RHOU: variants seen among roughly 807,000 people sequenced by gnomAD.
RHOU encodes ras homolog family member U.
RHOU carries 8 observed loss-of-function variants against 12.6 expected under a neutral mutation model. The observed-to-expected ratio is 0.64, with a 90% CI of 0.37 to 1.15. The LOEUF (loss-of-function observed/expected upper bound fraction) is 1.15. Ranked by LOEUF, RHOU falls within the 50% of genes most tolerant of loss-of-function variation. RHOU has a pLI of 0.01. For synonymous variants in RHOU, 161 were observed against 147.4 expected, an observed-to-expected ratio of 1.09 and a Z score of -0.67; for missense variants, 258 against 347.0, an observed-to-expected ratio of 0.74 and a Z score of 2.04.
At chr1:228,666,786 A>G in the RHOU span, among the ~76,000 whole-genome samples, 1 of 152,186 alleles carries the variant, frequency 6.6e-6, no homozygotes, top group Non-Finnish European at 1.5e-5. Flanking sequence ...GTGCTTTTGG[A>G]TAAATATCCA....
At chr1:228,705,463 G>A in the RHOU span, among the ~76,000 whole-genome samples, 9 of 152,130 alleles carry the variant, frequency 5.9e-5, no homozygotes, top group African/African-American at 2.2e-4. Flanking sequence ...TACATTGAAT[G>A]CCTTTGGCTC....
At chr1:228,650,836 C>T in the RHOU span, 2 of 412,414 alleles carry the variant, frequency 4.8e-6, no homozygotes, top group South Asian at 4.0e-5. Context: ...AGCTATACAT[C>T]ACAGCCCAGC....
the RHOU span, among the ~76,000 whole-genome samples, chr1:228,704,339 G>T: frequency 1.5e-4 from 23 of 152,214 alleles, no homozygotes; most frequent in East Asian, 4.2e-3. Context: ...CTTAATCTTG[G>T]CAAAATAAAC....
chr1:228,647,390 G>T, the RHOU span, among the ~76,000 whole-genome samples: 1 of 152,212 alleles, frequency 6.6e-6, no homozygotes, highest in Admixed American at 6.5e-5. Context: ...GGAGGCCTGG[G>T]TCTCTGGCGT....
chr1:228,711,854 C>G, the RHOU span, among the ~76,000 whole-genome samples: 1 of 146,052 alleles, frequency 6.8e-6, no homozygotes, highest in African/African-American at 2.5e-5. Context: ...AAAGAAACTA[C>G]CATCAGAGTG....
chr1:228,658,554 A>G, the RHOU span, among the ~76,000 whole-genome samples: 1 of 152,220 alleles, frequency 6.6e-6, no homozygotes, highest in Non-Finnish European at 1.5e-5. Flanking sequence ...AGCCTTTAGA[A>G]CTGAGAGAAA....
chr1:228,733,536 G>T (rs1662535069), upstream of RHOU, among the ~76,000 whole-genome samples: 1 of 152,158 alleles, frequency 6.6e-6, no homozygotes, highest in Non-Finnish European at 1.5e-5. Context: ...CGAACTCGTG[G>T]CCTCAACCGG....
At chr1:228,688,291 A>G in the RHOU span, among the ~76,000 whole-genome samples, 63 of 152,260 alleles carry the variant, frequency 4.1e-4, no homozygotes, top group African/African-American at 1.5e-3. Flanking sequence ...CTGCTGTCTA[A>G]AGGACATGAA....
At chr1:228,680,152 C>G in the RHOU span, among the ~76,000 whole-genome samples, 9 of 152,232 alleles carry the variant, frequency 5.9e-5, no homozygotes, top group African/African-American at 2.2e-4. Context: ...TGTACTTACC[C>G]TCCACTGTGA....
chr1:228,699,140 A>C, the RHOU span, among the ~76,000 whole-genome samples: 12 of 151,706 alleles, frequency 7.9e-5, no homozygotes, highest in Admixed American at 6.6e-5. Context: ...TAATGTATTA[A>C]AGCCTTACCG....
At chr1:228,685,353 T>A in the RHOU span, among the ~76,000 whole-genome samples, 16 of 152,344 alleles carry the variant, frequency 1.1e-4, no homozygotes, top group African/African-American at 3.6e-4. Context: ...AAGATGGAGT[T>A]GCTCTGGTTC....
chr1:228,683,038 G>A, the RHOU span, among the ~76,000 whole-genome samples: 1 of 150,776 alleles, frequency 6.6e-6, no homozygotes, highest in Admixed American at 6.6e-5. Flanking sequence ...GATGTTAACT[G>A]TTTCTCAACC....
chr1:228,690,209 A>G, the RHOU span, among the ~76,000 whole-genome samples: 4 of 152,250 alleles, frequency 2.6e-5, no homozygotes, highest in African/African-American at 9.6e-5. Context: ...GCAGGAGTGA[A>G]AGTTTATTAA....
chr1:228,650,543 G>A, the RHOU span: 2 of 456,796 alleles, frequency 4.4e-6, no homozygotes, highest in Non-Finnish European at 8.8e-6. Flanking sequence ...TGCGAGGAGA[G>A]TGCCCGGCGG....
At chr1:228,657,278 T>A in the RHOU span, among the ~76,000 whole-genome samples, 7 of 2,896 alleles carry the variant, frequency 2.4e-3, no homozygotes, top group African/African-American at 3.4e-3. Context: ...AAACTCCATC[T>A]CAAAAAAAAA....
chr1:228,686,040 A>G, the RHOU span, among the ~76,000 whole-genome samples: 2 of 152,326 alleles, frequency 1.3e-5, no homozygotes, highest in South Asian at 2.1e-4. Context: ...AGGAAACACA[A>G]TGTAAGTTAG....
the RHOU span, chr1:228,650,104 C>G: frequency 1.9e-5 from 8 of 428,664 alleles, no homozygotes; most frequent in Admixed American, 2.5e-4. Flanking sequence ...CTAACAGGTA[C>G]TCTTGAATAC....
chr1:228,657,279 CAAAAAAAAAAA>C, the RHOU span, among the ~76,000 whole-genome samples: 2 of 28,036 alleles, frequency 7.1e-5, no homozygotes, highest in East Asian at 2.4e-3. Context: ...AACTCCATCT[CAAAAAAAAAAA>C]AAAAAAAAAA....
chr1:228,720,553 A>C, the RHOU span, among the ~76,000 whole-genome samples: 2 of 152,212 alleles, frequency 1.3e-5, no homozygotes, highest in Admixed American at 1.3e-4. Context: ...AAACTAGCAC[A>C]CAGACACATA....
Sources: gnomAD v4.1 joint callset for allele counts (sites outside exome capture counted in the v4.1 genomes callset) on GRCh38, gnomAD v4.1.1 for gene constraint, MANE v1.5 for transcripts, NCBI Gene and HGNC (gene_info 2026-07-23, HGNC 2026-07-21) for gene names.